The following GLIS3 variants were observed in gnomAD, a reference collection of about 807,000 sequenced individuals.
The protein encoded by GLIS3 is GLIS family zinc finger 3, also known as zinc finger protein GLIS3.
A neutral mutation model predicts 78.6 loss-of-function variants in GLIS3; 53 were observed. That is an observed-to-expected ratio of 0.67 (90% confidence interval 0.54 to 0.85). The LOEUF is 0.85. Among genes scored for constraint, GLIS3 ranks in the 40% least tolerant of loss-of-function variants. GLIS3 has a pLI of 0.00. For missense variants in GLIS3, 1,703 were observed against 1,231.1 expected (o/e 1.38, Z -5.74); for synonymous variants, 684 against 509.9 (o/e 1.34, Z -4.60).
chr9:3,881,676 C>T (rs1206288447), intron 7 of GLIS3, among the ~76,000 whole-genome samples: 1 of 152,192 alleles, frequency 6.6e-6, no homozygotes, highest in Non-Finnish European at 1.5e-5. Flanking sequence ...CCCCATCATC[C>T]ATCTGTTCAC....
At chr9:4,382,650 C>T in the GLIS3 span, among the ~76,000 whole-genome samples, 3 of 152,150 alleles carry the variant, frequency 2.0e-5, no homozygotes, top group Non-Finnish European at 4.4e-5. Context: ...AGATACCAGG[C>T]CCTTCTCCTT....
At chr9:4,145,415 C>G (rs932969756) in intron 2 of GLIS3, among the ~76,000 whole-genome samples, 5 of 151,636 alleles carry the variant, frequency 3.3e-5, no homozygotes, top group Non-Finnish European at 7.4e-5. Context: ...CTTTAGGTTG[C>G]CAAGGCTAGT....
intron 2 of GLIS3, among the ~76,000 whole-genome samples, chr9:4,183,685 C>T (rs187236070): frequency 6.6e-6 from 1 of 152,286 alleles, no homozygotes; most frequent in Admixed American, 6.5e-5. Flanking sequence ...TTAAGTACAT[C>T]TTACAAAATT....
At chr9:4,297,991 G>A (rs75450999) in intron 1 of GLIS3, among the ~76,000 whole-genome samples, 11,920 of 152,234 alleles carry the variant, frequency 0.078, 636 homozygotes, top group East Asian at 0.28. Flanking sequence ...ACGCGCGGCT[G>A]CGACCCCGTC....
the GLIS3 span, among the ~76,000 whole-genome samples, chr9:4,469,347 C>A: frequency 6.6e-6 from 1 of 152,114 alleles, no homozygotes; most frequent in African/African-American, 2.4e-5. Flanking sequence ...TTTTGAGCAC[C>A]ACACAATACC....
chr9:4,338,644 G>A (rs1019325942), intron 2 of GLIS3, among the ~76,000 whole-genome samples: 2 of 152,208 alleles, frequency 1.3e-5, no homozygotes, highest in African/African-American at 4.8e-5. Context: ...TCTGCATGAA[G>A]TTTGGGGACA....
intron 2 of GLIS3, among the ~76,000 whole-genome samples, chr9:4,251,438 T>TTTTTTTG (rs1824375257): frequency 6.6e-6 from 1 of 151,604 alleles, no homozygotes; most frequent in Non-Finnish European, 1.5e-5. Flanking sequence ...TCTTTTTTTT[T>TTTTTTTG]TTTTTTTGCT....
At chr9:4,048,670 C>G (rs945812222) in intron 4 of GLIS3, among the ~76,000 whole-genome samples, 1 of 152,158 alleles carries the variant, frequency 6.6e-6, no homozygotes, top group Admixed American at 6.5e-5. Flanking sequence ...GTGGCAGCAT[C>G]TCTTCCAGCA....
intron 2 of GLIS3, among the ~76,000 whole-genome samples, chr9:4,215,611 T>C (rs1255201195): frequency 6.6e-6 from 1 of 152,246 alleles, no homozygotes; most frequent in Non-Finnish European, 1.5e-5. Flanking sequence ...CGCCTGGGTC[T>C]ATTCCACAGA....
chr9:4,353,611 C>G, the GLIS3 span, among the ~76,000 whole-genome samples: 1 of 152,000 alleles, frequency 6.6e-6, no homozygotes, highest in African/African-American at 2.4e-5. Flanking sequence ...CTCAGCGGGT[C>G]CAAAGTCAAG....
rs142098538 is a variant in GLIS3 at position 4,117,752 on chromosome 9, C to T, written c.1710+16G>A. On this transcript the variant is annotated intron_variant, in intron 4 of 10. Coordinates refer to ENST00000381971, the MANE Select transcript of GLIS3 (RefSeq NM_001042413.2). ...GGCCTTCAAGAGAGGTCACCCCTTG[C>T]GCTTCGGAAACTCACCGTACACTTG... 112 of 1,614,142 alleles carry T rather than the reference C, an allele frequency of 6.9e-5. 1 individual carries two copies. In the South Asian group the frequency reaches 9.8e-4, roughly 14 times the overall value.
At chr9:4,419,471 G>C in the GLIS3 span, among the ~76,000 whole-genome samples, 1 of 152,280 alleles carries the variant, frequency 6.6e-6, no homozygotes, top group South Asian at 2.1e-4. Flanking sequence ...AAGAGAGAGG[G>C]AAGGGAGGTG....
chr9:3,955,439 T>C (rs1054040881), intron 4 of GLIS3, among the ~76,000 whole-genome samples: 2 of 152,194 alleles, frequency 1.3e-5, no homozygotes, highest in African/African-American at 2.4e-5. Context: ...GGAGGTGTCA[T>C]GGTGCCTGAG....
the GLIS3 span, among the ~76,000 whole-genome samples, chr9:4,363,164 T>G: frequency 6.6e-6 from 1 of 152,140 alleles, no homozygotes; most frequent in South Asian, 2.1e-4. Context: ...GGCTCACACA[T>G]GTAATCTCAG....
chr9:4,375,084 T>G, the GLIS3 span, among the ~76,000 whole-genome samples: 1 of 152,234 alleles, frequency 6.6e-6, no homozygotes, highest in Non-Finnish European at 1.5e-5. Flanking sequence ...TGATCTTAAA[T>G]GCAAATCCTA....
In GLIS3 at chr9:3,932,360, C is replaced by T. The variant is rs1825674689; in HGVS notation, c.1983G>A (p.Lys661=). ...CTGGAAGATTCTCTTTTAAAATTAC[C>T]TTTTTCCTTGCTTGTTGCTCTTTGG... ...HSSKEQQARK[K]LRSSTELHPD... Residue 661 remains lysine, a splice_region_variant and synonymous_variant, in exon 6 of 11, where the codon AAG becomes AAA. Coordinates refer to ENST00000381971, the MANE Select transcript of GLIS3 (RefSeq NM_001042413.2). 1 of 1,608,736 alleles carries T rather than the reference C, an allele frequency of 6.2e-7. No individual in the cohort carries two copies. Among genetic ancestry groups the T allele is most frequent in the African/African-American group, 1.3e-5 (1 of 74,806 alleles).
At chr9:4,072,053 T>G (rs1827656749) in intron 4 of GLIS3, among the ~76,000 whole-genome samples, 1 of 152,236 alleles carries the variant, frequency 6.6e-6, no homozygotes, top group Non-Finnish European at 1.5e-5. Flanking sequence ...TAGGTCTTCC[T>G]GTTGTCTCAG....
chr9:4,052,181 C>T (rs1238314048), intron 4 of GLIS3, among the ~76,000 whole-genome samples: 1 of 152,064 alleles, frequency 6.6e-6, no homozygotes, highest in African/African-American at 2.4e-5. Context: ...TAAATAAATA[C>T]CAAATAAAAC....
chr9:3,944,964 A>C (rs1816192036), intron 4 of GLIS3, among the ~76,000 whole-genome samples: 1 of 152,248 alleles, frequency 6.6e-6, no homozygotes, highest in Non-Finnish European at 1.5e-5. Context: ...GCCTCACTTT[A>C]CAACAGCCTG....
Sources: allele counts gnomAD v4.1 joint callset (sites outside exome capture counted in the v4.1 genomes callset), GRCh38; gene constraint gnomAD v4.1.1; transcripts MANE v1.5; gene names NCBI Gene and HGNC (gene_info 2026-07-23, HGNC 2026-07-21).